Variants in ACACA observed in about 807,000 individuals in gnomAD.
The protein encoded by ACACA is acetyl-CoA carboxylase 1.
A neutral mutation model predicts 296.1 loss-of-function variants in ACACA; 103 were observed. The observed-to-expected ratio is 0.35, with a 90% CI of 0.30 to 0.41. ACACA has a LOEUF of 0.41. Among genes scored for constraint, ACACA ranks in the 10% least tolerant of loss-of-function variants. ACACA has a pLI of 1.00. For synonymous variants in ACACA, 953 were observed against 1,038.6 expected, an observed-to-expected ratio of 0.92 and a Z score of 1.58; for missense variants, 1,554 against 2,989.7, an observed-to-expected ratio of 0.52 and a Z score of 11.20.
intron 6 of ACACA, 78 bp downstream of exon 6, chr17:37,277,818 T>C (rs2082342802): frequency 3.5e-6 from 4 of 1,128,378 alleles, no homozygotes; most frequent in Non-Finnish European, 5.4e-6. Flanking sequence ...TACAAAAATG[T>C]TCTTCTCTAG....
chr17:37,178,090 A>T (rs2144807527), intron 41 of ACACA, among the ~76,000 whole-genome samples: 1 of 152,306 alleles, frequency 6.6e-6, no homozygotes, highest in South Asian at 2.1e-4. Context: ...CTTTCTAGGG[A>T]TTATATTTAA....
At chr17:37,185,057 G>C (rs1306986563) in intron 39 of ACACA, among the ~76,000 whole-genome samples, 1 of 152,128 alleles carries the variant, frequency 6.6e-6, no homozygotes, top group African/African-American at 2.4e-5. Flanking sequence ...GTTGCCTAAG[G>C]CCGGGGTTGG....
At chr17:37,125,075 C>CTGTGCAAGCA (rs2074714094) in intron 48 of ACACA, among the ~76,000 whole-genome samples, 1 of 152,158 alleles carries the variant, frequency 6.6e-6, no homozygotes, top group African/African-American at 2.4e-5. Context: ...GCAAGCACTA[C>CTGTGCAAGCA]AGATTATTTT....
At chr17:37,150,454 A>AC (rs1295400507) in intron 44 of ACACA, among the ~76,000 whole-genome samples, 1 of 151,984 alleles carries the variant, frequency 6.6e-6, no homozygotes, top group Non-Finnish European at 1.5e-5. Flanking sequence ...AGGCAGGAAA[A>AC]CCACTTGAAC....
At chr17:37,279,563 G>A (rs769382484) in intron 5 of ACACA, among the ~76,000 whole-genome samples, 7 of 151,922 alleles carry the variant, frequency 4.6e-5, no homozygotes, top group South Asian at 2.1e-4. Flanking sequence ...CAGGAGAATC[G>A]CTTGAACCTG....
At chr17:37,207,125 CT>C (rs1025978696) in intron 31 of ACACA, among the ~76,000 whole-genome samples, 1 of 151,952 alleles carries the variant, frequency 6.6e-6, no homozygotes, top group Non-Finnish European at 1.5e-5. Context: ...TGATCTAAAG[CT>C]TTTTTGTTTG....
chr17:37,136,868 G>A (rs892568625), intron 45 of ACACA, among the ~76,000 whole-genome samples: 13 of 151,908 alleles, frequency 8.6e-5, no homozygotes, highest in Non-Finnish European at 1.3e-4. Context: ...GCTTGAACCC[G>A]GGAGGTGGAG....
In ACACA at chr17:37,283,766, C is replaced by A. The variant is rs200295196; in HGVS notation, c.472-361G>T. Among the ~76,000 whole-genome samples the A allele has an allele frequency of 3.5e-4, 53 of 152,282 alleles. No homozygotes were observed. In the East Asian group the frequency reaches 7.5e-3, roughly 22 times the overall value. On this transcript the variant is annotated intron_variant, in intron 4 of 55. Transcript: ENST00000616317. ...GAAATCAGGAATGGGGGAAGGCCAA[C>A]CAGTGCAGTGCCATGCACTCTTCTC... is the stretch of plus-strand genomic sequence containing the variant.
intron 47 of ACACA, among the ~76,000 whole-genome samples, chr17:37,127,037 TAGAC>T (rs1410062389): frequency 3.3e-5 from 5 of 152,192 alleles, no homozygotes; most frequent in Non-Finnish European, 5.9e-5. Flanking sequence ...TAGCTGCACA[TAGAC>T]AGCAGGATGA....
intron 25 of ACACA, among the ~76,000 whole-genome samples, chr17:37,233,267 AAATG>A (rs918215427): frequency 6.6e-6 from 1 of 152,220 alleles, no homozygotes; most frequent in African/African-American, 2.4e-5. Context: ...ATTACTTGAG[AAATG>A]AACAGCCCTG....
chr17:37,390,455 T>C (rs1326798749), intron 1 of ACACA, among the ~76,000 whole-genome samples: 2 of 144,770 alleles, frequency 1.4e-5, no homozygotes, highest in Non-Finnish European at 3.0e-5. Context: ...GGTGAAACCC[T>C]GTCTCTACTA....
At chr17:37,144,649 G>A (rs2075737091) in intron 45 of ACACA, among the ~76,000 whole-genome samples, 1 of 152,160 alleles carries the variant, frequency 6.6e-6, no homozygotes, top group Admixed American at 6.5e-5. Flanking sequence ...GAGAACCAGA[G>A]AGAAATGTAA....
chr17:37,185,416 T>C (rs983853502), intron 39 of ACACA, among the ~76,000 whole-genome samples: 2 of 140,474 alleles, frequency 1.4e-5, no homozygotes, highest in East Asian at 2.0e-4. Context: ...TTTTTTTTTT[T>C]TTTTTTTTTT....
Position 37,087,257 on chromosome 17 carries a change from A to T in ACACA, c.*59T>A, listed in dbSNP as rs944971901. The T allele has an allele frequency of 1.7e-5, 27 of 1,611,636 alleles. No individual in the cohort carries two copies. The East Asian group carries it at 5.8e-4, about 35-fold the overall frequency. On this transcript the variant is annotated 3_prime_UTR_variant, in exon 56 of 56. Coordinates refer to ENST00000616317, the MANE Select transcript of ACACA (RefSeq NM_198834.3). ...TTCTCATTACAGTGGTTACAGTTGT[A>T]AAAGGCAGCTCTAGCCCTTTTCTCC...
chr17:37,136,827 T>C (rs1276884057), intron 45 of ACACA, among the ~76,000 whole-genome samples: 1 of 151,676 alleles, frequency 6.6e-6, no homozygotes, highest in East Asian at 1.9e-4. Context: ...CTGTAGTCCC[T>C]AGCTACTTGG....
chr17:37,370,605 C>T (rs1408327474), intron 1 of ACACA, among the ~76,000 whole-genome samples: 2 of 151,206 alleles, frequency 1.3e-5, no homozygotes, highest in African/African-American at 2.4e-5. Context: ...TGCAGTGAGC[C>T]GAGATTGTGC....
At chr17:37,160,728 C>T in intron 42 of ACACA, among the ~76,000 whole-genome samples, 1 of 151,934 alleles carries the variant, frequency 6.6e-6, no homozygotes, top group Non-Finnish European at 1.5e-5. Flanking sequence ...GTTGAAGGTG[C>T]AGAAAAGATG....
At chr17:37,340,932 G>A (rs956621666) in intron 1 of ACACA, among the ~76,000 whole-genome samples, 1 of 152,158 alleles carries the variant, frequency 6.6e-6, no homozygotes, top group Non-Finnish European at 1.5e-5. Flanking sequence ...GCAGTAGTGT[G>A]CACCTACAGT....
Position 37,100,516 on chromosome 17 carries a change from T to C in ACACA, c.6566-2532A>G, listed in dbSNP as rs74778774. Among the ~76,000 whole-genome samples the C allele has an allele frequency of 8.9e-4, 135 of 151,180 alleles. 1 individual carries two copies. The East Asian group carries it at 0.019, about 21-fold the overall frequency. ...AAAAAAGTGGCTCACTCTTCAAAAATGTGAAAAACATGAAAAACAAAGGTC... is the reference window on the plus strand; with the variant it reads ...AAAAAAGTGGCTCACTCTTCAAAAACGTGAAAAACATGAAAAACAAAGGTC... On this transcript the variant is annotated intron_variant, in intron 52 of 55. Coordinates refer to ENST00000616317, the MANE Select transcript of ACACA (RefSeq NM_198834.3).
Sources: allele counts gnomAD v4.1 joint callset (sites outside exome capture counted in the v4.1 genomes callset), GRCh38; gene constraint gnomAD v4.1.1; transcripts MANE v1.5; gene names NCBI Gene and HGNC (gene_info 2026-07-23, HGNC 2026-07-21).